The following ANTXR2 variants were observed in gnomAD, a reference collection of about 807,000 sequenced individuals.
ANTXR2 encodes the protein ANTXR cell adhesion molecule 2, also known as anthrax toxin receptor 2.
A neutral mutation model predicts 73.7 loss-of-function variants in ANTXR2; 44 were observed. The ratio of observed to expected loss-of-function variants is 0.60; its 90% CI spans 0.47 to 0.77. ANTXR2 has a LOEUF of 0.77. Ranked by LOEUF, ANTXR2 falls within the 30% of genes least tolerant of loss-of-function variation. ANTXR2 has a pLI of 0.00. For missense variants in ANTXR2, 604 were observed against 592.5 expected (o/e 1.02, Z -0.20); for synonymous variants, 217 against 205.9 (o/e 1.05, Z -0.46).
rs528030110 is a variant in ANTXR2, at chr4:80,035,553, C to G, written c.697+419G>C. Among the ~76,000 whole-genome samples, 6 of 152,114 alleles carry G rather than the reference C, an allele frequency of 3.9e-5. No individual in the cohort carries two copies. The South Asian group carries it at 8.3e-4, about 21-fold the overall frequency. On this transcript the variant is annotated intron_variant, in intron 8 of 16. Coordinates refer to ENST00000403729, the MANE Select transcript of ANTXR2 (RefSeq NM_058172.6). Reference sequence around the variant, plus strand: ...AGCCACCTGCTTCCTTCCTGCAATCCGTCCATAAGTCACTTCCTTATGTGC... The same window carrying G: ...AGCCACCTGCTTCCTTCCTGCAATCGGTCCATAAGTCACTTCCTTATGTGC...
At chr4:79,954,267 C>A (rs1031570070) in intron 16 of ANTXR2, among the ~76,000 whole-genome samples, 1 of 152,128 alleles carries the variant, frequency 6.6e-6, no homozygotes, top group African/African-American at 2.4e-5. Flanking sequence ...AGTCCTCCCA[C>A]CTTGGCCTTC....
At chr4:80,028,740 CAT>C (rs1561013964) in intron 10 of ANTXR2, among the ~76,000 whole-genome samples, 3 of 152,150 alleles carry the variant, frequency 2.0e-5, no homozygotes, top group African/African-American at 7.2e-5. Context: ...ATTAGGCAAA[CAT>C]ATTAAGCATC....
chr4:79,983,811 A>T (rs1729987878), intron 14 of ANTXR2, 67 bp downstream of exon 14: 5 of 1,226,578 alleles, frequency 4.1e-6, no homozygotes, highest in Non-Finnish European at 6.0e-6. Context: ...AGTAGTTTCT[A>T]TGGCTTAATA....
chr4:79,937,776 C>T (rs1332548948), intron 16 of ANTXR2, among the ~76,000 whole-genome samples: 9 of 151,576 alleles, frequency 5.9e-5, no homozygotes, highest in Admixed American at 4.6e-4. Context: ...GCGTGAGCGA[C>T]GCAGAAGACG....
chr4:80,011,319 C>T (rs1170807416), intron 11 of ANTXR2, among the ~76,000 whole-genome samples: 2 of 150,632 alleles, frequency 1.3e-5, no homozygotes, highest in Non-Finnish European at 3.0e-5. Context: ...ATCTATCTGT[C>T]TATCATCTAT....
chr4:79,980,047 G>T (rs13103893), intron 14 of ANTXR2, among the ~76,000 whole-genome samples: 10,569 of 152,082 alleles, frequency 0.069, 449 homozygotes, highest in Middle Eastern at 0.11. Context: ...AAGTTTCACT[G>T]GCACTATTCT....
chr4:79,990,770 TGC>T lies in ANTXR2; in HGVS notation c.1042-5909_1042-5908del, dbSNP rs1578136097. 8.6e-5 allele frequency among the ~76,000 whole-genome samples: 13 copies of T among 151,634 alleles called. No homozygotes were observed. In the East Asian group the frequency reaches 2.5e-3, roughly 29 times the overall value. The stretch of plus-strand genomic sequence containing the variant: ...AGAGTACACCAAAGCAGCATGGTAC[TGC>T]TGGAAAAGGTTAGATAACCCAGAAA... On this transcript the variant is annotated intron_variant, in intron 12 of 16. Transcript: ENST00000403729.
At chr4:79,963,407 T>C (rs1477123954) in intron 16 of ANTXR2, among the ~76,000 whole-genome samples, 1 of 152,136 alleles carries the variant, frequency 6.6e-6, no homozygotes, top group Non-Finnish European at 1.5e-5. Flanking sequence ...AGGATTGAGA[T>C]AGTGTTCTGT....
chr4:80,041,410 GC>G (rs1245290016), intron 7 of ANTXR2, among the ~76,000 whole-genome samples: 1 of 151,816 alleles, frequency 6.6e-6, no homozygotes, highest in Non-Finnish European at 1.5e-5. Flanking sequence ...ATATCACTAA[GC>G]TTTTGCTTTT....
chr4:79,919,968 A>C (rs1727532050), intron 16 of ANTXR2, among the ~76,000 whole-genome samples: 2 of 146,258 alleles, frequency 1.4e-5, no homozygotes, highest in Admixed American at 1.4e-4. Flanking sequence ...TGTTAAGACT[A>C]AGATTTTTCA....
intron 3 of ANTXR2, among the ~76,000 whole-genome samples, chr4:80,066,706 A>G (rs570497123): frequency 4.0e-5 from 5 of 124,230 alleles, no homozygotes; most frequent in Non-Finnish European, 7.0e-5. Context: ...TCATTCATGT[A>G]ACAATTTTAT....
intron 2 of ANTXR2, among the ~76,000 whole-genome samples, chr4:80,070,436 A>T (rs142317122): frequency 6.6e-6 from 1 of 152,342 alleles, no homozygotes; most frequent in African/African-American, 2.4e-5. Context: ...AATCTACATG[A>T]CACCCTTTTC....
At chr4:80,062,613 G>A (rs974439066) in intron 3 of ANTXR2, among the ~76,000 whole-genome samples, 1 of 152,106 alleles carries the variant, frequency 6.6e-6, no homozygotes, top group Admixed American at 6.5e-5. Flanking sequence ...TTGCCTAATG[G>A]AATTTTTTTT....
At chr4:79,915,855 TCTCTCTCTA>T (rs1727330966) in intron 16 of ANTXR2, among the ~76,000 whole-genome samples, 1 of 127,676 alleles carries the variant, frequency 7.8e-6, no homozygotes, top group African/African-American at 2.7e-5. Context: ...TCTCTCTCTC[TCTCTCTCTA>T]TATATATATA....
chr4:80,072,838 GGA>G lies in ANTXR2; in HGVS notation c.-280_-279del. ...ATCCAGTCCTCCCCCTCCCGATTCC[GGA>G]GAGTTCCTGCAGACAATGCGGGCCC... On this transcript the variant is annotated 5_prime_UTR_variant, in exon 1 of 17. Transcript: ENST00000403729. 1.5e-6 allele frequency: 1 copy of G among 662,802 alleles called. No homozygotes were observed. Among genetic ancestry groups the G allele is most frequent in the African/African-American group, 1.9e-5 (1 of 53,032 alleles). The allele number at this position is 662,802 out of a possible 1,614,324, so 41.1% of individuals were successfully genotyped here.
chr4:80,007,168 G>T (rs1731342178), intron 12 of ANTXR2, among the ~76,000 whole-genome samples: 1 of 152,120 alleles, frequency 6.6e-6, no homozygotes, highest in Admixed American at 6.6e-5. Context: ...GCAAACTGAA[G>T]TACAACTAAT....
chr4:79,933,036 C>T (rs1239659836), intron 16 of ANTXR2, among the ~76,000 whole-genome samples: 1 of 152,056 alleles, frequency 6.6e-6, no homozygotes, highest in Non-Finnish European at 1.5e-5. Context: ...AACAATACCC[C>T]CACTTAAAAT....
At chr4:80,071,544 A>G (rs754774911) in intron 2 of ANTXR2, 39 bp downstream of exon 2, 1 of 1,522,384 alleles carries the variant, frequency 6.6e-7, no homozygotes, top group Non-Finnish European at 9.1e-7. Context: ...ACTTTGCTCT[A>G]CTTCTCCACT....
At chr4:80,047,953 A>G (rs1031996224) in intron 7 of ANTXR2, among the ~76,000 whole-genome samples, 1 of 151,712 alleles carries the variant, frequency 6.6e-6, no homozygotes, top group Non-Finnish European at 1.5e-5. Flanking sequence ...GTCTTAATAC[A>G]GTGAAACATA....
Sources: allele counts gnomAD v4.1 joint callset (sites outside exome capture counted in the v4.1 genomes callset), GRCh38; gene constraint gnomAD v4.1.1; transcripts MANE v1.5; gene names NCBI Gene and HGNC (gene_info 2026-07-23, HGNC 2026-07-21).